ANGPT1: variants seen among roughly 807,000 people sequenced by gnomAD.
ANGPT1 encodes angiopoietin 1.
In ANGPT1, 17 loss-of-function variants were observed where a neutral mutation model predicts 62.2. The ratio of observed to expected loss-of-function variants is 0.27; its 90% CI spans 0.19 to 0.41. The LOEUF (loss-of-function observed/expected upper bound fraction) is 0.41. Ranked by LOEUF, ANGPT1 falls within the 10% of genes least tolerant of loss-of-function variation. The pLI is 1.00. For synonymous variants in ANGPT1, 199 were observed against 198.9 expected (o/e 1.00, Z 0.00); for missense variants, 478 against 594.9 (o/e 0.80, Z 2.04).
At chr8:107,264,176 C>T (rs770205596) in intron 8 of ANGPT1, 45 bp downstream of exon 8, 2 of 1,582,656 alleles carry the variant, frequency 1.3e-6, no homozygotes, top group Non-Finnish European at 1.7e-6. Flanking sequence ...CCTTAAGCCC[C>T]AAACCAATGA....
intron 1 of ANGPT1, among the ~76,000 whole-genome samples, chr8:107,441,056 T>TA (rs35035444): frequency 0.2 from 30,343 of 152,176 alleles, 3,214 homozygotes; most frequent in Non-Finnish European, 0.24. Context: ...ATTATCTTGA[T>TA]ACTTTAACTA....
At chr8:107,387,192 A>G (rs1279387722) in intron 1 of ANGPT1, among the ~76,000 whole-genome samples, 1 of 152,142 alleles carries the variant, frequency 6.6e-6, no homozygotes, top group African/African-American at 2.4e-5. Flanking sequence ...AAGTGGTAGA[A>G]GACAGAGAAA....
At chr8:107,383,284 T>C (rs1816674161) in intron 1 of ANGPT1, among the ~76,000 whole-genome samples, 1 of 151,974 alleles carries the variant, frequency 6.6e-6, no homozygotes, top group East Asian at 1.9e-4. Flanking sequence ...AGAAAGTGAT[T>C]CAAAGCAGAG....
chr8:107,383,154 A>G (rs1454508383), intron 1 of ANGPT1, among the ~76,000 whole-genome samples: 1 of 152,152 alleles, frequency 6.6e-6, no homozygotes, highest in Non-Finnish European at 1.5e-5. Context: ...TGCACCACCA[A>G]GATTTTCTAA....
At chr8:107,383,654 CA>C (rs1218367774) in intron 1 of ANGPT1, among the ~76,000 whole-genome samples, 1 of 152,192 alleles carries the variant, frequency 6.6e-6, no homozygotes, top group East Asian at 1.9e-4. Context: ...TCAGCCTGAA[CA>C]GGTACCTAGA....
intron 1 of ANGPT1, among the ~76,000 whole-genome samples, chr8:107,478,191 C>T (rs1340820905): frequency 2.0e-5 from 3 of 150,926 alleles, no homozygotes; most frequent in Admixed American, 1.3e-4. Flanking sequence ...AGTCAAGATC[C>T]CATCTGTTTT....
chr8:107,383,014 T>C (rs1816668628), intron 1 of ANGPT1, among the ~76,000 whole-genome samples: 1 of 152,186 alleles, frequency 6.6e-6, no homozygotes, highest in Admixed American at 6.5e-5. Flanking sequence ...TCTTTATTTC[T>C]CCTTATTGTA....
chr8:107,329,493 T>C (rs148008972), intron 3 of ANGPT1, among the ~76,000 whole-genome samples: 1,718 of 152,162 alleles, frequency 0.011, 22 homozygotes, highest in Middle Eastern at 0.02. Context: ...GAGTATACAA[T>C]AGTAACATTG....
chr8:107,334,875 G>A (rs776399710), intron 3 of ANGPT1, among the ~76,000 whole-genome samples: 6 of 152,156 alleles, frequency 3.9e-5, no homozygotes, highest in Admixed American at 1.3e-4. Context: ...GTCAAGTCCT[G>A]TCAAGTTTAT....
chr8:107,469,085 A>G (rs191747259), intron 1 of ANGPT1, among the ~76,000 whole-genome samples: 1 of 152,136 alleles, frequency 6.6e-6, no homozygotes, highest in African/African-American at 2.4e-5. Flanking sequence ...TTCATTTAGT[A>G]CTTTTTCTTT....
chr8:107,324,940 T>C, intron 3 of ANGPT1, among the ~76,000 whole-genome samples: 1 of 152,296 alleles, frequency 6.6e-6, no homozygotes, highest in East Asian at 1.9e-4. Flanking sequence ...TAGATAGAGC[T>C]TGGGTACAGT....
chr8:107,343,456 G>A (rs1263453246), intron 2 of ANGPT1, among the ~76,000 whole-genome samples: 2 of 152,170 alleles, frequency 1.3e-5, no homozygotes, highest in Admixed American at 6.5e-5. Context: ...ACAGCTCCCA[G>A]GAGCAGGCCT....
chr8:107,306,696 T>C (rs1259591049), intron 4 of ANGPT1, among the ~76,000 whole-genome samples: 1 of 151,912 alleles, frequency 6.6e-6, no homozygotes, highest in Non-Finnish European at 1.5e-5. Flanking sequence ...TTCAGTTAGA[T>C]AGAAGATAGA....
At chr8:107,454,792 A>G (rs1423876491) in intron 1 of ANGPT1, among the ~76,000 whole-genome samples, 1 of 152,086 alleles carries the variant, frequency 6.6e-6, no homozygotes, top group Non-Finnish European at 1.5e-5. Context: ...CTTTAAATAC[A>G]TACACATATA....
At chr8:107,479,664 G>A (rs749315980) in intron 1 of ANGPT1, among the ~76,000 whole-genome samples, 1 of 152,270 alleles carries the variant, frequency 6.6e-6, no homozygotes, top group Admixed American at 6.5e-5. Context: ...AAGTAGCATA[G>A]AGTTATAAAA....
intron 5 of ANGPT1, chr8:107,294,272 A>G (rs1325905357): frequency 8.4e-6 from 3 of 358,090 alleles, no homozygotes; most frequent in South Asian, 6.0e-5. Flanking sequence ...CACAAATTTT[A>G]GTCAGCTGAA....
intron 7 of ANGPT1, among the ~76,000 whole-genome samples, chr8:107,271,155 A>G (rs1586175184): frequency 6.6e-6 from 1 of 152,024 alleles, no homozygotes; most frequent in South Asian, 2.1e-4. Flanking sequence ...TTGTGTCTGG[A>G]AAGACAGCAT....
rs758928836 is a variant in ANGPT1, at chr8:107,336,184, T to A, written c.541A>T (p.Thr181Ser). The change falls in exon 3 of 9, where the codon ACA becomes TCA. Residue 181 changes from threonine to serine, a missense_variant. Physicochemically the swap from Thr to Ser is moderately conservative, Grantham distance 58. This residue lies in a region of ANGPT1 where 343 missense variants were observed against 355.4 expected (regional missense o/e 0.97). Transcript: ENST00000517746. The part of the protein sequence containing the change: ...YKLEKQLLQQ[T>S]NEILKIHEKN... ...TCATGGATCTTCAAGATTTCATTTG[T>A]CTGTTGAAGAAGTTGCTTCTCTAGC... 1 of 1,606,558 alleles carries A rather than the reference T, an allele frequency of 6.2e-7. No individual in the cohort carries two copies. The highest frequency in any genetic ancestry group is 1.3e-5 in the African/African-American group (1 of 74,450).
At chr8:107,346,018 GATCT>G (rs1815796890) in intron 2 of ANGPT1, among the ~76,000 whole-genome samples, 1 of 152,162 alleles carries the variant, frequency 6.6e-6, no homozygotes, top group Non-Finnish European at 1.5e-5. Flanking sequence ...CTAGCTAAAA[GATCT>G]ATCTATCTGC....
Sources: allele counts gnomAD v4.1 joint callset (sites outside exome capture counted in the v4.1 genomes callset), GRCh38; gene constraint gnomAD v4.1.1; regional missense constraint gnomAD v4.1.1; transcripts MANE v1.5; gene names NCBI Gene and HGNC (gene_info 2026-07-23, HGNC 2026-07-21).